The following TANGO6 variants were observed in gnomAD, a reference collection of about 807,000 sequenced individuals.
TANGO6 encodes the protein transport and golgi organization 6 homolog.
In TANGO6, 90 loss-of-function variants were observed where a neutral mutation model predicts 114.2. The ratio of observed to expected loss-of-function variants is 0.79; its 90% CI spans 0.66 to 0.94. The LOEUF (loss-of-function observed/expected upper bound fraction) is 0.94, where lower values mean the gene tolerates loss of function less well. TANGO6 is among the 40% of genes least tolerant of loss of function. TANGO6 has a pLI of 0.00. For missense variants in TANGO6, 1,274 were observed against 1,315.3 expected, an observed-to-expected ratio of 0.97 and a Z score of 0.49; for synonymous variants, 477 against 509.8, an observed-to-expected ratio of 0.94 and a Z score of 0.87.
intron 17 of TANGO6, among the ~76,000 whole-genome samples, chr16:69,041,926 T>C (rs1959780212): frequency 1.3e-5 from 2 of 152,184 alleles, no homozygotes; most frequent in Admixed American, 1.3e-4. Context: ...GGCTACAAGA[T>C]AGCTGCTGCA....
chr16:68,900,398 T>A, intron 7 of TANGO6, 36 bp from the exon 8 acceptor site: 2 of 1,580,342 alleles, frequency 1.3e-6, no homozygotes, highest in Non-Finnish European at 1.7e-6. Flanking sequence ...GGCCAGGCAG[T>A]CATGGGATTA....
chr16:69,077,995 C>T (rs1960406107), intron 17 of TANGO6, among the ~76,000 whole-genome samples: 1 of 152,056 alleles, frequency 6.6e-6, no homozygotes, highest in Admixed American at 6.6e-5. Context: ...ACATTACAGT[C>T]CTGATAGGGG....
At chr16:68,990,298 A>T (rs1211161002) in intron 15 of TANGO6, among the ~76,000 whole-genome samples, 1 of 152,288 alleles carries the variant, frequency 6.6e-6, no homozygotes, top group African/African-American at 2.4e-5. Flanking sequence ...ATTGCTGGGG[A>T]GGCCTCACAA....
At chr16:68,992,388 G>A (rs1160408975) in intron 15 of TANGO6, among the ~76,000 whole-genome samples, 2 of 152,178 alleles carry the variant, frequency 1.3e-5, no homozygotes, top group Non-Finnish European at 2.9e-5. Flanking sequence ...TATCTGTAAA[G>A]TGGGGATAAT....
chr16:69,074,809 T>TGTGTGG (rs1960348878), intron 17 of TANGO6, among the ~76,000 whole-genome samples: 1 of 145,312 alleles, frequency 6.9e-6, no homozygotes, highest in Non-Finnish European at 1.5e-5. Flanking sequence ...TGTGTGTGTG[T>TGTGTGG]GTGTGTGTGT....
At chr16:69,079,233 G>A (rs920614487) in intron 17 of TANGO6, among the ~76,000 whole-genome samples, 2 of 151,926 alleles carry the variant, frequency 1.3e-5, no homozygotes, top group Non-Finnish European at 2.9e-5. Context: ...CGGAGGCTGA[G>A]GCAAGAGAAT....
chr16:68,981,958 CTA>C (rs1963840362), intron 15 of TANGO6, among the ~76,000 whole-genome samples: 1 of 152,180 alleles, frequency 6.6e-6, no homozygotes, highest in South Asian at 2.1e-4. Context: ...GATACTCAAC[CTA>C]TGTCTTCTCT....
chr16:68,902,548 G>A (rs556950531), intron 9 of TANGO6, 44 bp downstream of exon 9: 31 of 1,491,340 alleles, frequency 2.1e-5, no homozygotes, highest in Middle Eastern at 2.2e-4. Flanking sequence ...ATTTAGTTCC[G>A]CCCAAAAGGC....
Position 68,909,222 on chromosome 16 carries a change from T to C in TANGO6, c.1812T>C (p.His604=), listed in dbSNP as rs780810878. The change falls in exon 11 of 18, where the codon CAT becomes CAC. Residue 604 remains histidine (H), a synonymous_variant. Coordinates refer to ENST00000261778, the MANE Select transcript of TANGO6 (RefSeq NM_024562.2). The stretch of plus-strand genomic sequence containing the variant: ...TGCCATGCTTGTAGGAGTTGACTCA[T>C]GTGGCCTCGGAAAATGAAACAGAGT... ...FFIFCLKELT[H]VASENETELK... 6.3e-6 allele frequency: 10 copies of C among 1,579,188 alleles called. No homozygotes were observed. Among genetic ancestry groups the C allele is most frequent in the East Asian group, 2.3e-5 (1 of 43,656 alleles).
chr16:68,950,701 G>A (rs28475556), intron 14 of TANGO6, among the ~76,000 whole-genome samples: 17,276 of 149,360 alleles, frequency 0.12, 1,153 homozygotes, highest in African/African-American at 0.17. Context: ...TCTACTAAAA[G>A]TACTAAAATT....
In TANGO6 at chr16:68,907,564, T is replaced by TTCA. The variant is rs1962870175; in HGVS notation, c.1791_1792insATC (p.Phe597_Cys598insIle). 1 of 1,612,474 alleles carries TTCA rather than the reference T, an allele frequency of 6.2e-7. No individual in the cohort carries two copies. The highest frequency in any genetic ancestry group is 1.1e-5 in the South Asian group (1 of 90,810). ...CGGTTTGGCAGGAGACTTCTTCATC[T>TTCA]TCTGTTTGAAAGTAAGAACTACCTG... On this transcript the variant is annotated inframe_insertion, in exon 10 of 18. Transcript: ENST00000261778.
At chr16:68,957,077 A>G (rs1963537346) in intron 14 of TANGO6, among the ~76,000 whole-genome samples, 2 of 152,002 alleles carry the variant, frequency 1.3e-5, no homozygotes, top group Non-Finnish European at 2.9e-5. Flanking sequence ...AAGAATCCTC[A>G]TTGTCATTTT....
chr16:68,860,118 T>C lies in TANGO6; in HGVS notation c.329T>C (p.Ile110Thr). Reference protein sequence around the residue: ...LLLLCLKETMIRLAANFNPGK... With the variant: ...LLLLCLKETMTRLAANFNPGK... Reference sequence around the variant, plus strand: ...CTTTTGTGCTTGAAGGAAACCATGATCCGCCTTGCAGCTAATTTCAATCCA... The same window carrying C: ...CTTTTGTGCTTGAAGGAAACCATGACCCGCCTTGCAGCTAATTTCAATCCA... The change falls in exon 2 of 18, where the codon ATC (isoleucine) becomes ACC (threonine). Residue 110 changes from isoleucine to threonine, a missense_variant. Coordinates refer to ENST00000261778, the MANE Select transcript of TANGO6 (RefSeq NM_024562.2). The C allele has an allele frequency of 6.2e-7, 1 of 1,613,976 alleles. No homozygotes were observed.
intron 14 of TANGO6, chr16:68,973,099 C>T (rs1275003170): frequency 2.2e-6 from 1 of 455,886 alleles, no homozygotes; most frequent in Admixed American, 2.4e-5. Context: ...AGGGGCCAGA[C>T]TTATGATTCA....
intron 14 of TANGO6, chr16:68,973,284 G>A (rs566635580): frequency 5.4e-5 from 21 of 388,692 alleles, no homozygotes; most frequent in Middle Eastern, 7.4e-4. Flanking sequence ...TTTCTTTTTC[G>A]TCACTGTTCT....
chr16:68,949,752 G>T (rs1302758090), intron 14 of TANGO6, among the ~76,000 whole-genome samples: 1 of 152,036 alleles, frequency 6.6e-6, no homozygotes, highest in East Asian at 1.9e-4. Flanking sequence ...GTTAAACATG[G>T]TTATCATGTG....
intron 16 of TANGO6, among the ~76,000 whole-genome samples, chr16:69,023,355 C>G (rs1959445933): frequency 1.3e-5 from 2 of 152,142 alleles, no homozygotes; most frequent in East Asian, 3.9e-4. Context: ...ACTCAGGAGG[C>G]TGAGGCAGGA....
intron 7 of TANGO6, among the ~76,000 whole-genome samples, chr16:68,897,151 T>G (rs944318970): frequency 1.3e-5 from 2 of 152,162 alleles, no homozygotes; most frequent in Non-Finnish European, 2.9e-5. Context: ...TCCACCCGCC[T>G]CTGCCTCCCA....
At chr16:68,855,614 G>A (rs1487958706) in intron 1 of TANGO6, among the ~76,000 whole-genome samples, 2 of 152,016 alleles carry the variant, frequency 1.3e-5, no homozygotes, top group Non-Finnish European at 2.9e-5. Context: ...GCCGGGCGTG[G>A]TGGTGCATGC....
Sources: gnomAD v4.1 joint callset for allele counts (sites outside exome capture counted in the v4.1 genomes callset) on GRCh38, gnomAD v4.1.1 for gene constraint, MANE v1.5 for transcripts, NCBI Gene and HGNC (gene_info 2026-07-23, HGNC 2026-07-21) for gene names.